The following DLG2 variants were observed in gnomAD, a reference collection of about 807,000 sequenced individuals.
The protein encoded by DLG2 is disks large homolog 2.
In DLG2, 45 loss-of-function variants were observed where a neutral mutation model predicts 132.5. The ratio of observed to expected loss-of-function variants is 0.34; its 90% CI spans 0.27 to 0.44. The LOEUF is 0.44. Ranked by LOEUF, DLG2 falls within the 20% of genes least tolerant of loss-of-function variation. DLG2 has a pLI of 1.00. For synonymous variants in DLG2, 424 were observed against 419.6 expected (o/e 1.01, Z -0.13); for missense variants, 1,045 against 1,196.9 (o/e 0.87, Z 1.87).
chr11:85,092,781 T>G (rs1356732329), intron 6 of DLG2, among the ~76,000 whole-genome samples: 1 of 151,982 alleles, frequency 6.6e-6, no homozygotes, highest in East Asian at 1.9e-4. Flanking sequence ...TAGCTGGGAC[T>G]ACAGGCATGC....
At chr11:84,320,538 A>T (rs1300747304) in intron 7 of DLG2, among the ~76,000 whole-genome samples, 1 of 152,218 alleles carries the variant, frequency 6.6e-6, no homozygotes, top group Admixed American at 6.5e-5. Flanking sequence ...ATAAATGCTA[A>T]GAAATCCGCA....
chr11:83,976,791 C>T (rs1198454775), intron 12 of DLG2, among the ~76,000 whole-genome samples: 1 of 151,884 alleles, frequency 6.6e-6, no homozygotes, highest in African/African-American at 2.4e-5. Flanking sequence ...GATTATGTCA[C>T]AGCTATTTTC....
chr11:84,793,246 T>C (rs759280518), intron 6 of DLG2, among the ~76,000 whole-genome samples: 6 of 152,252 alleles, frequency 3.9e-5, no homozygotes, highest in Non-Finnish European at 7.3e-5. Flanking sequence ...ATTTCTAGTT[T>C]GTTTTCATTG....
chr11:84,961,215 G>C (rs79930548), intron 6 of DLG2, among the ~76,000 whole-genome samples: 2 of 151,672 alleles, frequency 1.3e-5, no homozygotes, highest in East Asian at 3.9e-4. Context: ...TTTTCAGCAT[G>C]GGTCTTTGAA....
intron 6 of DLG2, among the ~76,000 whole-genome samples, chr11:84,760,908 C>A (rs1468292672): frequency 1.3e-5 from 2 of 152,136 alleles, no homozygotes; most frequent in Admixed American, 1.3e-4. Context: ...CTCCATCCCC[C>A]TCTTCCTGCT....
chr11:84,763,525 G>A (rs761739839), intron 6 of DLG2, among the ~76,000 whole-genome samples: 1 of 152,036 alleles, frequency 6.6e-6, no homozygotes, highest in Admixed American at 6.5e-5. Context: ...TTGATGCTCT[G>A]GTTTGAACAT....
intron 5 of DLG2, among the ~76,000 whole-genome samples, chr11:85,123,894 T>G (rs545604209): frequency 2.8e-4 from 43 of 152,164 alleles, no homozygotes; most frequent in Non-Finnish European, 5.4e-4. Context: ...AGCTAAAACA[T>G]TTGGTATCTT....
intron 9 of DLG2, among the ~76,000 whole-genome samples, chr11:84,120,336 G>A (rs1465167412): frequency 6.6e-6 from 1 of 152,112 alleles, no homozygotes. Context: ...CAAGAAAGCT[G>A]CTATCTTGTC....
intron 7 of DLG2, among the ~76,000 whole-genome samples, chr11:84,295,771 G>C (rs191226682): frequency 6.8e-4 from 103 of 152,122 alleles, no homozygotes; most frequent in Non-Finnish European, 1.4e-3. Context: ...ATTCACATTG[G>C]GGGGGTCAGA....
At chr11:84,600,349 T>G (rs1358353857) in intron 6 of DLG2, among the ~76,000 whole-genome samples, 2 of 152,140 alleles carry the variant, frequency 1.3e-5, no homozygotes, top group Non-Finnish European at 2.9e-5. Context: ...ATACCATCAA[T>G]GAAGAAAATA....
At chr11:84,972,122 C>T (rs1023174408) in intron 6 of DLG2, among the ~76,000 whole-genome samples, 1 of 152,060 alleles carries the variant, frequency 6.6e-6, no homozygotes, top group African/African-American at 2.4e-5. Context: ...TCTTATCACC[C>T]TCTAATCAAT....
intron 17 of DLG2, among the ~76,000 whole-genome samples, chr11:83,827,046 G>T (rs553436810): frequency 6.6e-6 from 1 of 152,200 alleles, no homozygotes; most frequent in African/African-American, 2.4e-5. Context: ...AACTAGGAAA[G>T]CAAGGTTCCT....
intron 4 of DLG2, among the ~76,000 whole-genome samples, chr11:85,184,380 A>G (rs552501878): frequency 1.3e-5 from 2 of 150,272 alleles, no homozygotes; most frequent in African/African-American, 4.9e-5. Context: ...GTGTGCATAG[A>G]TTAGGAATTT....
At chr11:85,530,821 C>T (rs1451318734) in intron 3 of DLG2, among the ~76,000 whole-genome samples, 1 of 152,176 alleles carries the variant, frequency 6.6e-6, no homozygotes, top group Non-Finnish European at 1.5e-5. Flanking sequence ...GGCCTAATGC[C>T]TTGTGGTTAG....
chr11:85,574,180 T>G lies in DLG2; in HGVS notation c.40+24477A>C, dbSNP rs956566377. Among the ~76,000 whole-genome samples the G allele has an allele frequency of 7.9e-5, 12 of 152,034 alleles. No individual in the cohort carries two copies. The East Asian group carries it at 2.3e-3, about 29-fold the overall frequency. The stretch of plus-strand genomic sequence containing the variant: ...AGCTTCAGAGAATTTAATAAAAATT[T>G]TTCATATTATTGCGCATTTCATGAC... On this transcript the variant is annotated intron_variant, in intron 3 of 27. Coordinates refer to ENST00000376104, the MANE Select transcript of DLG2 (RefSeq NM_001142699.3).
intron 6 of DLG2, among the ~76,000 whole-genome samples, chr11:84,616,827 AT>A (rs1334612974): frequency 6.6e-6 from 1 of 152,112 alleles, no homozygotes; most frequent in African/African-American, 2.4e-5. Flanking sequence ...AAGTTTTATT[AT>A]TGTTAGTCTC....
At chr11:84,397,687 G>A (rs2098815623) in intron 7 of DLG2, among the ~76,000 whole-genome samples, 1 of 152,216 alleles carries the variant, frequency 6.6e-6, no homozygotes, top group African/African-American at 2.4e-5. Context: ...AGAGCTATAA[G>A]TCTTTATTGC....
At chr11:83,585,059 T>C (rs2097058807) in intron 19 of DLG2, among the ~76,000 whole-genome samples, 1 of 152,170 alleles carries the variant, frequency 6.6e-6, no homozygotes, top group Non-Finnish European at 1.5e-5. Context: ...TCAGTAGAGT[T>C]TGAAGATAAA....
chr11:84,077,286 C>T (rs937171833), intron 10 of DLG2, among the ~76,000 whole-genome samples: 8 of 152,108 alleles, frequency 5.3e-5, no homozygotes, highest in Non-Finnish European at 8.8e-5. Context: ...TCACAAAGCC[C>T]CTACCAAGAA....
Sources: allele counts gnomAD v4.1 joint callset (sites outside exome capture counted in the v4.1 genomes callset), GRCh38; gene constraint gnomAD v4.1.1; transcripts MANE v1.5; gene names NCBI Gene and HGNC (gene_info 2026-07-23, HGNC 2026-07-21).